MECOM: variants seen among roughly 807,000 people sequenced by gnomAD.
MECOM encodes the protein MDS1 and EVI1 complex locus.
A neutral mutation model predicts 116.3 loss-of-function variants in MECOM; 13 were observed. That is an observed-to-expected ratio of 0.11 (90% confidence interval 0.07 to 0.18). MECOM has a LOEUF of 0.18. MECOM is among the 10% of genes least tolerant of loss of function. MECOM has a pLI of 1.00. For synonymous variants in MECOM, 528 were observed against 535.2 expected (o/e 0.99, Z 0.19); for missense variants, 1,299 against 1,509.0 (o/e 0.86, Z 2.31).
intron 2 of MECOM, among the ~76,000 whole-genome samples, chr3:169,372,574 T>C (rs527949480): frequency 6.6e-6 from 1 of 152,102 alleles, no homozygotes; most frequent in African/African-American, 2.4e-5. Flanking sequence ...ACTGAACTTC[T>C]AGGAAACAAG....
At chr3:169,399,183 C>T (rs762061443) in intron 1 of MECOM, among the ~76,000 whole-genome samples, 3 of 152,164 alleles carry the variant, frequency 2.0e-5, no homozygotes. Context: ...CCCTCAGTGG[C>T]TGTAAATACA....
intron 2 of MECOM, among the ~76,000 whole-genome samples, chr3:169,266,644 T>A (rs1263937604): frequency 6.6e-6 from 1 of 152,232 alleles, no homozygotes; most frequent in Non-Finnish European, 1.5e-5. Context: ...TAAAGCAATC[T>A]GTACTTCTTG....
At chr3:169,088,284 G>A (rs968175334) in intron 16 of MECOM, among the ~76,000 whole-genome samples, 8 of 152,042 alleles carry the variant, frequency 5.3e-5, no homozygotes, top group South Asian at 2.1e-4. Context: ...AAAAAGTACC[G>A]ACTTCCTTTA....
At chr3:169,166,642 G>T (rs897815902) in intron 2 of MECOM, among the ~76,000 whole-genome samples, 1 of 131,536 alleles carries the variant, frequency 7.6e-6, no homozygotes, top group African/African-American at 2.6e-5. Context: ...GCAAATGTAC[G>T]AGTTAAATTG....
At chr3:169,312,365 ATTTT>A (rs367932449) in intron 2 of MECOM, among the ~76,000 whole-genome samples, 1 of 118,456 alleles carries the variant, frequency 8.4e-6, no homozygotes, top group Admixed American at 9.7e-5. Flanking sequence ...AATGACTGCA[ATTTT>A]TTTTTTTTTT....
chr3:169,587,583 T>C (rs1282518661), intron 1 of MECOM, among the ~76,000 whole-genome samples: 3 of 152,014 alleles, frequency 2.0e-5, no homozygotes, highest in Admixed American at 6.6e-5. Context: ...GGAGGGGAGA[T>C]GCAAATATTG....
intron 1 of MECOM, among the ~76,000 whole-genome samples, chr3:169,656,783 G>A (rs995155924): frequency 6.6e-6 from 1 of 152,056 alleles, no homozygotes; most frequent in African/African-American, 2.4e-5. Context: ...ACATAAATTA[G>A]AGTAAATTCC....
chr3:169,509,912 T>C (rs1453328415), intron 1 of MECOM, among the ~76,000 whole-genome samples: 2 of 152,228 alleles, frequency 1.3e-5, no homozygotes, highest in African/African-American at 2.4e-5. Flanking sequence ...CCGGTCAGCA[T>C]CAGGCTTACG....
At chr3:169,137,328 AC>A (rs1736665392) in intron 3 of MECOM, among the ~76,000 whole-genome samples, 1 of 152,062 alleles carries the variant, frequency 6.6e-6, no homozygotes, top group Admixed American at 6.6e-5. Flanking sequence ...CATAGTCTGG[AC>A]CCTGATCTAT....
intron 2 of MECOM, among the ~76,000 whole-genome samples, chr3:169,206,091 G>T (rs941583772): frequency 6.6e-6 from 1 of 152,032 alleles, no homozygotes; most frequent in Non-Finnish European, 1.5e-5. Flanking sequence ...TCACCATCCT[G>T]GTTCCTGATG....
At chr3:169,416,292 A>C (rs898606459) in intron 1 of MECOM, among the ~76,000 whole-genome samples, 2 of 152,248 alleles carry the variant, frequency 1.3e-5, no homozygotes, top group African/African-American at 4.8e-5. Flanking sequence ...AAATAATGAA[A>C]TTAAGGCAGA....
intron 1 of MECOM, among the ~76,000 whole-genome samples, chr3:169,642,191 G>C (rs894089203): frequency 6.6e-6 from 1 of 152,104 alleles, no homozygotes; most frequent in Admixed American, 6.6e-5. Context: ...ACAGAGCTGT[G>C]CAACACTTGC....
chr3:169,563,706 C>T lies in MECOM; in HGVS notation c.37+99630G>A, dbSNP rs537087240. Among the ~76,000 whole-genome samples, 13 of 152,250 alleles carry T rather than the reference C, an allele frequency of 8.5e-5. No individual in the cohort carries two copies. The East Asian group carries it at 1.9e-3, about 23-fold the overall frequency. On this transcript the variant is annotated intron_variant, in intron 1 of 16. Transcript: ENST00000651503. The stretch of plus-strand genomic sequence containing the variant: ...GTGAAGGGTGCTGGACAGGACACTA[C>T]GCGGACATCAGGCATAGCGATTCAC...
chr3:169,567,991 G>A (rs1420324728), intron 1 of MECOM, among the ~76,000 whole-genome samples: 1 of 152,170 alleles, frequency 6.6e-6, no homozygotes, highest in Non-Finnish European at 1.5e-5. Context: ...CAGAAGGCAG[G>A]TGATTTCTAC....
At chr3:169,325,842 G>A (rs1430641843) in intron 2 of MECOM, among the ~76,000 whole-genome samples, 1 of 152,204 alleles carries the variant, frequency 6.6e-6, no homozygotes, top group Admixed American at 6.5e-5. Context: ...GATCCATGAA[G>A]TTGCGTTGAT....
intron 2 of MECOM, among the ~76,000 whole-genome samples, chr3:169,216,386 C>T (rs1313323990): frequency 1.3e-5 from 2 of 152,054 alleles, no homozygotes; most frequent in Non-Finnish European, 2.9e-5. Context: ...TGTGTCATTT[C>T]TAGTGGTGTT....
At chr3:169,539,237 T>C (rs1167582741) in intron 1 of MECOM, among the ~76,000 whole-genome samples, 1 of 152,158 alleles carries the variant, frequency 6.6e-6, no homozygotes, top group Non-Finnish European at 1.5e-5. Flanking sequence ...CAAATTCTGA[T>C]TGTGCTAGTT....
At chr3:169,213,432 T>TA (rs1310210557) in intron 2 of MECOM, among the ~76,000 whole-genome samples, 1 of 152,128 alleles carries the variant, frequency 6.6e-6, no homozygotes, top group Non-Finnish European at 1.5e-5. Flanking sequence ...TTCCTTTGAT[T>TA]AAAAAAATGT....
chr3:169,184,023 C>T (rs1746394423), intron 2 of MECOM, among the ~76,000 whole-genome samples: 1 of 151,884 alleles, frequency 6.6e-6, no homozygotes. Context: ...CGCCACCACA[C>T]CCGGCTAATT....
Sources: allele counts gnomAD v4.1 joint callset (sites outside exome capture counted in the v4.1 genomes callset), GRCh38; gene constraint gnomAD v4.1.1; transcripts MANE v1.5; gene names NCBI Gene and HGNC (gene_info 2026-07-23, HGNC 2026-07-21).